Variants in TTC27 observed in about 807,000 individuals in gnomAD.
The protein encoded by TTC27 is tetratricopeptide repeat domain 27, also known as tetratricopeptide repeat protein 27.
Under a neutral mutation model 115.9 loss-of-function variants are expected in TTC27, and 79 were observed. The ratio of observed to expected loss-of-function variants is 0.68; its 90% confidence interval spans 0.57 to 0.82. TTC27 has a LOEUF of 0.82. Among genes scored for constraint, TTC27 ranks in the 40% least tolerant of loss-of-function variants. The pLI is 0.00. For missense variants in TTC27, 1,054 were observed against 993.1 expected (o/e 1.06, Z -0.82); for synonymous variants, 401 against 356.0 (o/e 1.13, Z -1.42).
At chr2:32,730,416 C>G (rs1668253555) in intron 10 of TTC27, among the ~76,000 whole-genome samples, 2 of 152,018 alleles carry the variant, frequency 1.3e-5, no homozygotes, top group Admixed American at 1.3e-4. Flanking sequence ...ATTTATTGTG[C>G]CTGTAAAGGA....
At chr2:32,692,501 G>A (rs1572520243) in intron 9 of TTC27, among the ~76,000 whole-genome samples, 1 of 152,076 alleles carries the variant, frequency 6.6e-6, no homozygotes, top group Admixed American at 6.6e-5. Flanking sequence ...GTACAACAAT[G>A]TGAATGTACT....
chr2:32,667,282 C>T (rs1163104883), intron 7 of TTC27, among the ~76,000 whole-genome samples: 3 of 151,778 alleles, frequency 2.0e-5, no homozygotes, highest in Admixed American at 6.6e-5. Flanking sequence ...TTTGACATGT[C>T]TAGTGAATTC....
chr2:32,764,403 C>T (rs562124891), intron 13 of TTC27, among the ~76,000 whole-genome samples: 1 of 151,706 alleles, frequency 6.6e-6, no homozygotes, highest in African/African-American at 2.4e-5. Context: ...TAAAAAAAAA[C>T]AAACAAAAAT....
intron 10 of TTC27, among the ~76,000 whole-genome samples, chr2:32,710,085 G>A (rs931388442): frequency 4.6e-5 from 7 of 151,916 alleles, no homozygotes; most frequent in Non-Finnish European, 2.9e-5. Context: ...GCATGATCTC[G>A]GCTCACTGAA....
At chr2:32,666,503 C>T in intron 6 of TTC27, 132 bp from the exon 7 acceptor site, 1 of 879,148 alleles carries the variant, frequency 1.1e-6, no homozygotes, top group Non-Finnish European at 1.6e-6. Flanking sequence ...TGAGGCTGGG[C>T]CTCAGGACTT....
intron 5 of TTC27, 120 bp downstream of exon 5, chr2:32,650,353 C>CTTTTT (rs368973893): frequency 7.1e-5 from 15 of 212,502 alleles, no homozygotes; most frequent in Non-Finnish European, 9.7e-5. Context: ...TGAGTTGTTT[C>CTTTTT]TTTTTTTTTT....
chr2:32,765,968 C>G (rs1669611868), intron 13 of TTC27, among the ~76,000 whole-genome samples: 1 of 152,178 alleles, frequency 6.6e-6, no homozygotes, highest in Non-Finnish European at 1.5e-5. Flanking sequence ...ACCACTCAGA[C>G]TTTCCCCGTA....
intron 12 of TTC27, among the ~76,000 whole-genome samples, chr2:32,757,539 T>C (rs1239296070): frequency 1.3e-5 from 2 of 152,224 alleles, no homozygotes; most frequent in African/African-American, 4.8e-5. Flanking sequence ...GACAACCCTG[T>C]GTCAAACAAG....
intron 18 of TTC27, among the ~76,000 whole-genome samples, chr2:32,816,991 G>A (rs1042878402): frequency 6.6e-6 from 1 of 152,106 alleles, no homozygotes; most frequent in Non-Finnish European, 1.5e-5. Context: ...GTGTGTGCTC[G>A]AATGCATGCG....
chr2:32,808,646 T>A (rs985106733), intron 16 of TTC27, among the ~76,000 whole-genome samples: 12 of 152,100 alleles, frequency 7.9e-5, no homozygotes, highest in Non-Finnish European at 8.8e-5. Context: ...CTTTACCAAC[T>A]TTTTCCCTCC....
At chr2:32,689,743 A>G (rs1052056877) in intron 9 of TTC27, among the ~76,000 whole-genome samples, 3 of 152,172 alleles carry the variant, frequency 2.0e-5, no homozygotes, top group African/African-American at 7.2e-5. Context: ...ATTGAGAGTC[A>G]ACAGAAATAA....
At chr2:32,688,668 A>G (rs887752670) in intron 9 of TTC27, among the ~76,000 whole-genome samples, 1 of 152,250 alleles carries the variant, frequency 6.6e-6, no homozygotes, top group Admixed American at 6.5e-5. Flanking sequence ...ATGTGTAATA[A>G]CATTAGTCAT....
intron 3 of TTC27, among the ~76,000 whole-genome samples, chr2:32,634,558 G>A (rs758687895): frequency 9.2e-5 from 14 of 151,742 alleles, no homozygotes; most frequent in Middle Eastern, 6.8e-3. Context: ...CAAAGTGCTA[G>A]GATTATAGGT....
intron 9 of TTC27, among the ~76,000 whole-genome samples, chr2:32,686,871 G>C (rs1265362727): frequency 1.3e-5 from 2 of 152,098 alleles, no homozygotes; most frequent in Admixed American, 6.5e-5. Context: ...GTGAGATGGA[G>C]TCTCACTCTG....
intron 10 of TTC27, among the ~76,000 whole-genome samples, chr2:32,715,957 G>GTGTTTTGTTTTTTAAACTA (rs58988781): frequency 1.3e-5 from 2 of 151,526 alleles, no homozygotes; most frequent in African/African-American, 4.9e-5. Flanking sequence ...GTAGTGAAGT[G>GTGTTTTGTTTTTTAAACTA]TGTCACTGTT....
At chr2:32,694,790 A>C (rs547052231) in intron 9 of TTC27, among the ~76,000 whole-genome samples, 23 of 150,558 alleles carry the variant, frequency 1.5e-4, no homozygotes, top group Non-Finnish European at 3.2e-4. Context: ...TTCCTGCCTC[A>C]GCCTGTCACG....
At chr2:32,760,514 G>T (rs1169208141) in intron 13 of TTC27, among the ~76,000 whole-genome samples, 1 of 152,118 alleles carries the variant, frequency 6.6e-6, no homozygotes, top group East Asian at 1.9e-4. Context: ...AGATTATCTG[G>T]CCTGTCATGC....
At chr2:32,774,437 A>G (rs1186910628) in intron 13 of TTC27, among the ~76,000 whole-genome samples, 1 of 152,114 alleles carries the variant, frequency 6.6e-6, no homozygotes, top group Non-Finnish European at 1.5e-5. Context: ...AGCCTCCCAA[A>G]GTGCAGGGAT....
rs375210953 is a variant in TTC27 at position 32,734,543 on chromosome 2, T to C, written c.1329+620T>C. Among the ~76,000 whole-genome samples the C allele has an allele frequency of 9.8e-5, 15 of 152,362 alleles. No individual in the cohort carries two copies. In the East Asian group the frequency reaches 1.7e-3, roughly 18 times the overall value. On this transcript the variant is annotated intron_variant, in intron 11 of 19. Transcript: ENST00000317907. The stretch of plus-strand genomic sequence containing the variant: ...TCTGAGGCTATGAGAATACCTACTG[T>C]AGCTCCTAATGGCACATGGTGGGGT...
Sources: gnomAD v4.1 joint callset for allele counts (sites outside exome capture counted in the v4.1 genomes callset) on GRCh38, gnomAD v4.1.1 for gene constraint, MANE v1.5 for transcripts, NCBI Gene and HGNC (gene_info 2026-07-23, HGNC 2026-07-21) for gene names.